SASH1: variants seen among roughly 807,000 people sequenced by gnomAD.
The protein encoded by SASH1 is SAM and SH3 domain containing 1.
SASH1 carries 44 observed loss-of-function variants against 125.2 expected under a neutral mutation model. The observed-to-expected ratio is 0.35, with a 90% CI of 0.28 to 0.45. SASH1 has a LOEUF of 0.45. Ranked by LOEUF, SASH1 falls within the 20% of genes least tolerant of loss-of-function variation. The pLI is 1.00. For missense variants in SASH1, 1,426 were observed against 1,614.5 expected, an observed-to-expected ratio of 0.88 and a Z score of 2.00; for synonymous variants, 639 against 649.1, an observed-to-expected ratio of 0.98 and a Z score of 0.24.
chr6:148,484,511 A>G (rs1034154993), intron 7 of SASH1, among the ~76,000 whole-genome samples: 28 of 152,166 alleles, frequency 1.8e-4, no homozygotes, highest in African/African-American at 5.8e-4. Context: ...AAATGTAATT[A>G]TAACAGGTAA....
the SASH1 span, among the ~76,000 whole-genome samples, chr6:148,222,827 C>T: frequency 6.6e-6 from 1 of 151,334 alleles, no homozygotes; most frequent in South Asian, 2.1e-4. Flanking sequence ...AATATGTTTA[C>T]TAAGCAACTC....
chr6:148,508,996 G>C, intron 8 of SASH1: 1 of 535,552 alleles, frequency 1.9e-6, no homozygotes, highest in Admixed American at 2.4e-5. Context: ...AATTCCTCTA[G>C]ATTTGTCCTT....
intron 8 of SASH1, among the ~76,000 whole-genome samples, chr6:148,491,777 C>T (rs1329626836): frequency 6.6e-6 from 1 of 152,124 alleles, no homozygotes; most frequent in Non-Finnish European, 1.5e-5. Context: ...GAAAGCCCTG[C>T]CTGGTTTACT....
rs1200041786 is a variant in SASH1 at position 148,528,499 on chromosome 6, C to G, written c.1428+903C>G. Among the ~76,000 whole-genome samples the G allele has an allele frequency of 2.6e-5, 4 of 152,314 alleles. No individual in the cohort carries two copies. The South Asian group carries it at 8.3e-4, about 32-fold the overall frequency. ...GCTAAAACCAAGCATCGCCCCTATG[C>G]GAATGACCGAACGTCACCAGCCTGC... is the stretch of plus-strand genomic sequence containing the variant. On this transcript the variant is annotated intron_variant, in intron 12 of 19. Coordinates refer to ENST00000367467, the MANE Select transcript of SASH1 (RefSeq NM_015278.5).
intron 8 of SASH1, among the ~76,000 whole-genome samples, chr6:148,511,629 A>T (rs12200218): frequency 0.051 from 7,704 of 152,300 alleles, 299 homozygotes; most frequent in Non-Finnish European, 0.08. Flanking sequence ...AACATGTGAA[A>T]ACAATTAAAT....
At chr6:148,446,434 T>C (rs991232067) in intron 4 of SASH1, among the ~76,000 whole-genome samples, 6 of 152,030 alleles carry the variant, frequency 3.9e-5, no homozygotes, top group South Asian at 4.2e-4. Flanking sequence ...GGAAAGAGGG[T>C]GAATAGACAT....
At chr6:148,347,792 C>G (rs1483231531) in intron 1 of SASH1, among the ~76,000 whole-genome samples, 1 of 152,012 alleles carries the variant, frequency 6.6e-6, no homozygotes, top group African/African-American at 2.4e-5. Context: ...TGTGGCCTCT[C>G]TATGTGGAGA....
chr6:148,249,341 T>TGC, the SASH1 span, among the ~76,000 whole-genome samples: 1 of 144 alleles, frequency 6.9e-3, no homozygotes, highest in Non-Finnish European at 0.011. Context: ...TGTGTGTGTG[T>TGC]GTGTGCATGC....
chr6:148,447,881 T>C (rs1016186073), intron 4 of SASH1, among the ~76,000 whole-genome samples: 1 of 152,156 alleles, frequency 6.6e-6, no homozygotes, highest in Non-Finnish European at 1.5e-5. Context: ...CAGGGCGTGC[T>C]GAGCCTTGGA....
intron 16 of SASH1, among the ~76,000 whole-genome samples, chr6:148,535,859 C>T (rs913154630): frequency 6.6e-6 from 1 of 152,286 alleles, no homozygotes; most frequent in African/African-American, 2.4e-5. Context: ...TGCTAAAAGA[C>T]ACACCAAAAC....
intron 1 of SASH1, among the ~76,000 whole-genome samples, chr6:148,301,541 C>T (rs189037985): frequency 1.3e-5 from 2 of 151,988 alleles, no homozygotes; most frequent in South Asian, 2.1e-4. Flanking sequence ...GCTGGGATTA[C>T]AGGCGTGAGC....
rs5880793 is a variant in SASH1, at chr6:148,549,065, G to GA, written c.*524dup. 15,271 of 130,114 alleles carry GA rather than the reference G, an allele frequency of 0.12. 1,189 individuals carry two copies. Among genetic ancestry groups the GA allele is most frequent in the African/African-American group, 0.23 (8,404 of 35,920 alleles). 8.1% of individuals were successfully genotyped at this position (130,114 alleles called of 1,614,324 possible). ...AAGTTAGAACATCTGGCTGCACCAG[G>GA]AAAAAAAAAAAAAAAAAGTCCTGTT... is the stretch of plus-strand genomic sequence containing the variant. On this transcript the variant is annotated 3_prime_UTR_variant, in exon 20 of 20. Coordinates refer to ENST00000367467, the MANE Select transcript of SASH1 (RefSeq NM_015278.5).
At chr6:148,509,311 A>G (rs1344837470) in intron 8 of SASH1, 3 of 166,838 alleles carry the variant, frequency 1.8e-5, no homozygotes, top group Admixed American at 1.2e-4. Flanking sequence ...GCGCTAGGTT[A>G]GAGAGACCAG....
chr6:148,243,372 C>T, the SASH1 span, among the ~76,000 whole-genome samples: 1 of 151,860 alleles, frequency 6.6e-6, no homozygotes, highest in Admixed American at 6.6e-5. Flanking sequence ...ATCGCTTGAA[C>T]CTGGGAGGTG....
chr6:148,268,987 A>C (rs1321316353), upstream of SASH1, among the ~76,000 whole-genome samples: 1 of 152,178 alleles, frequency 6.6e-6, no homozygotes, highest in Non-Finnish European at 1.5e-5. Context: ...TGTAATAAGC[A>C]CTTGTTTTCA....
chr6:148,376,494 C>T (rs1168791691), intron 1 of SASH1, among the ~76,000 whole-genome samples: 2 of 152,126 alleles, frequency 1.3e-5, no homozygotes, highest in Non-Finnish European at 2.9e-5. Context: ...TTATTGTAAG[C>T]GCTCATCACC....
At chr6:148,508,363 G>A in intron 8 of SASH1, 1 of 487,512 alleles carries the variant, frequency 2.1e-6, no homozygotes, top group Non-Finnish European at 2.7e-6. Context: ...TTTAAGTTCA[G>A]TCACTTTTAA....
intron 8 of SASH1, chr6:148,513,438 G>C: frequency 1.0e-6 from 1 of 985,468 alleles, no homozygotes; most frequent in Non-Finnish European, 1.2e-6. Flanking sequence ...ATTTTGAACA[G>C]ATACAACAGA....
chr6:148,377,361 A>T (rs181853638), intron 1 of SASH1, among the ~76,000 whole-genome samples: 1 of 152,070 alleles, frequency 6.6e-6, no homozygotes, highest in Non-Finnish European at 1.5e-5. Context: ...TAGATGGGCT[A>T]TCTTTATTTT....
Sources: gnomAD v4.1 joint callset for allele counts (sites outside exome capture counted in the v4.1 genomes callset) on GRCh38, gnomAD v4.1.1 for gene constraint, MANE v1.5 for transcripts, NCBI Gene and HGNC (gene_info 2026-07-23, HGNC 2026-07-21) for gene names.